The following PAK3 variants were observed in gnomAD, a reference collection of about 807,000 sequenced individuals.
The protein encoded by PAK3 is p21 (RAC1) activated kinase 3, also known as serine/threonine-protein kinase PAK 3.
In PAK3, 4 loss-of-function variants were observed where a neutral mutation model predicts 41.0. The observed-to-expected ratio is 0.10, with a 90% confidence interval of 0.05 to 0.22. PAK3 has a LOEUF of 0.22. Among genes scored for constraint, PAK3 ranks in the 10% least tolerant of loss-of-function variants. The pLI is 1.00. For synonymous variants in PAK3, 146 were observed against 139.6 expected (o/e 1.05, Z -0.32); for missense variants, 205 against 409.9 (o/e 0.50, Z 4.32).
chrX:110,973,381 C>T (rs1340843680), intron 1 of PAK3, among the ~76,000 whole-genome samples: 1 of 112,311 alleles, frequency 8.9e-6, no homozygotes, highest in African/African-American at 3.2e-5. Context: ...AGAAACTCTA[C>T]AAGCCAGAAA....
intron 1 of PAK3, among the ~76,000 whole-genome samples, chrX:111,027,141 G>A (rs953864766): frequency 5.4e-5 from 6 of 110,766 alleles, no homozygotes; most frequent in Admixed American, 9.6e-5. Flanking sequence ...CTCATCTCAC[G>A]CCTTGTACAA....
At chrX:111,095,545 G>A (rs1181761100), upstream of PAK3, among the ~76,000 whole-genome samples, 1 of 112,211 alleles carries the variant, frequency 8.9e-6, no homozygotes, top group Non-Finnish European at 1.9e-5. Flanking sequence ...GGAAAGGATG[G>A]ACAGAGAGAA....
intron 1 of PAK3, among the ~76,000 whole-genome samples, chrX:111,055,193 G>A (rs1359297612): frequency 8.9e-6 from 1 of 111,979 alleles, no homozygotes; most frequent in African/African-American, 3.3e-5. Flanking sequence ...TCTTCATGAG[G>A]AAGTCCTCCA....
chrX:111,103,493 T>TC (rs1049142527), intron 4 of PAK3, among the ~76,000 whole-genome samples, 187 bp downstream of exon 4: 3 of 111,977 alleles, frequency 2.7e-5, no homozygotes, highest in African/African-American at 9.7e-5. Context: ...CTCCCTCCCA[T>TC]CTCTAATATG....
intron 11 of PAK3, among the ~76,000 whole-genome samples, chrX:111,176,601 T>C (rs1163031379): frequency 1.8e-5 from 2 of 111,877 alleles, no homozygotes; most frequent in Non-Finnish European, 3.8e-5. Flanking sequence ...GCTCCTCCTG[T>C]GTCTGTCTTT....
intron 4 of PAK3, 33 bp from the exon 5 acceptor site, chrX:111,123,044 C>T (rs1191580556): frequency 1.1e-6 from 1 of 906,454 alleles, no homozygotes. Flanking sequence ...CCTCTTCTCC[C>T]TCAACTCCTT....
chrX:111,058,086 G>A (rs2092620935), intron 1 of PAK3, among the ~76,000 whole-genome samples: 1 of 112,071 alleles, frequency 8.9e-6, no homozygotes, highest in African/African-American at 3.2e-5. Context: ...AACATTTGAT[G>A]GACATTTGGG....
chrX:110,949,260 G>A (rs2090690225), intron 1 of PAK3, among the ~76,000 whole-genome samples: 1 of 111,167 alleles, frequency 9.0e-6, no homozygotes, highest in African/African-American at 3.3e-5. Flanking sequence ...AGACCTAAAA[G>A]ACCATGCTTC....
At chrX:111,035,498 C>T (rs1253635140) in intron 1 of PAK3, among the ~76,000 whole-genome samples, 1 of 111,661 alleles carries the variant, frequency 9.0e-6, no homozygotes, top group East Asian at 2.8e-4. Context: ...CTGAATGGTG[C>T]CTGGCATGAG....
chrX:111,052,430 C>T (rs182705643), intron 1 of PAK3, among the ~76,000 whole-genome samples: 6 of 112,592 alleles, frequency 5.3e-5, no homozygotes, highest in African/African-American at 1.6e-4. Context: ...CCCTCTACCT[C>T]GTGGTGTTAA....
chrX:111,035,855 A>G (rs1602940234), intron 1 of PAK3, among the ~76,000 whole-genome samples: 1 of 112,208 alleles, frequency 8.9e-6, no homozygotes, highest in African/African-American at 3.2e-5. Flanking sequence ...TAGAATTGGC[A>G]AAGTCTTACT....
chrX:111,059,676 A>C (rs145695633), intron 1 of PAK3, among the ~76,000 whole-genome samples: 1 of 111,318 alleles, frequency 9.0e-6, no homozygotes, highest in African/African-American at 3.3e-5. Context: ...AGTTATTCCC[A>C]TGTATTTTAT....
At chrX:111,043,173 A>G (rs2092467868) in intron 1 of PAK3, among the ~76,000 whole-genome samples, 2 of 110,504 alleles carry the variant, frequency 1.8e-5, no homozygotes, top group Admixed American at 1.9e-4. Flanking sequence ...ACACACCTGT[A>G]GTCCAAGCCA....
intron 1 of PAK3, among the ~76,000 whole-genome samples, chrX:110,980,484 A>G (rs1445427457): frequency 8.9e-6 from 1 of 111,755 alleles, no homozygotes; most frequent in Non-Finnish European, 1.9e-5. Flanking sequence ...ATGATTCTGT[A>G]GTAGGGAAGT....
At chrX:111,143,696 A>C (rs894357255) in intron 6 of PAK3, among the ~76,000 whole-genome samples, 2 of 110,892 alleles carry the variant, frequency 1.8e-5, no homozygotes, top group African/African-American at 6.6e-5. Flanking sequence ...ATTTTTAAAA[A>C]ATTACAAAAA....
At chrX:110,997,545 T>C (rs1187344355) in intron 1 of PAK3, among the ~76,000 whole-genome samples, 1 of 111,654 alleles carries the variant, frequency 9.0e-6, no homozygotes, top group Non-Finnish European at 1.9e-5. Context: ...GGACATGAGA[T>C]AAAGTACCCA....
intron 12 of PAK3, 57 bp from the exon 13 acceptor site, chrX:111,192,449 A>G: frequency 5.9e-6 from 4 of 672,562 alleles, no homozygotes; most frequent in Non-Finnish European, 9.8e-6. Flanking sequence ...CAAAATATGA[A>G]TATTCATGTT....
At chrX:111,029,893 G>C (rs1197575282) in intron 1 of PAK3, among the ~76,000 whole-genome samples, 1 of 112,189 alleles carries the variant, frequency 8.9e-6, no homozygotes, top group East Asian at 2.8e-4. Context: ...CTGCTTACTT[G>C]AAGATGATTA....
At chrX:111,118,410 G>T (rs2093506332) in intron 4 of PAK3, among the ~76,000 whole-genome samples, 1 of 109,063 alleles carries the variant, frequency 9.2e-6, no homozygotes, top group Non-Finnish European at 1.9e-5. Flanking sequence ...GCCAGCAGTT[G>T]TAACTCTTGG....
Sources: gnomAD v4.1 joint callset for allele counts (sites outside exome capture counted in the v4.1 genomes callset) on GRCh38, gnomAD v4.1.1 for gene constraint, MANE v1.5 for transcripts, NCBI Gene and HGNC (gene_info 2026-07-23, HGNC 2026-07-21) for gene names.